NECTIN1: variants seen among roughly 807,000 people sequenced by gnomAD.
The protein encoded by NECTIN1 is nectin cell adhesion molecule 1.
A neutral mutation model predicts 48.0 loss-of-function variants in NECTIN1; 23 were observed. The observed-to-expected ratio is 0.48, with a 90% CI of 0.34 to 0.68. The LOEUF (loss-of-function observed/expected upper bound fraction) is 0.68. NECTIN1 is among the 30% of genes least tolerant of loss of function. The pLI, the probability that NECTIN1 is intolerant of heterozygous loss-of-function variation, is 0.01. For missense variants in NECTIN1, 591 were observed against 709.9 expected, an observed-to-expected ratio of 0.83 and a Z score of 1.90; for synonymous variants, 270 against 288.9, an observed-to-expected ratio of 0.93 and a Z score of 0.66.
At chr11:119,686,677 T>A (rs1865162270) in intron 1 of NECTIN1, among the ~76,000 whole-genome samples, 1 of 152,160 alleles carries the variant, frequency 6.6e-6, no homozygotes, top group Admixed American at 6.5e-5. Context: ...GGTTGCTGCC[T>A]CGGCGAAAAC....
At chr11:119,669,644 C>A (rs1355384037) in intron 5 of NECTIN1, among the ~76,000 whole-genome samples, 1 of 152,160 alleles carries the variant, frequency 6.6e-6, no homozygotes, top group Non-Finnish European at 1.5e-5. Context: ...CTCCCTAGAG[C>A]CTTAACGTGC....
intron 4 of NECTIN1, 137 bp from the exon 5 acceptor site, chr11:119,675,447 A>AAAT (rs1173549953): frequency 5.4e-6 from 4 of 737,718 alleles, no homozygotes; most frequent in Non-Finnish European, 9.2e-6. Flanking sequence ...GAAGGAAGAA[A>AAAT]AATAATAATA....
chr11:119,714,048 G>A (rs917738679), intron 1 of NECTIN1: 15 of 308,542 alleles, frequency 4.9e-5, no homozygotes, highest in Non-Finnish European at 7.8e-5. Context: ...AGGGTACATC[G>A]AAGCTCAGAT....
intron 6 of NECTIN1, chr11:119,639,354 A>G (rs1295278724): frequency 5.0e-6 from 1 of 199,036 alleles, no homozygotes; most frequent in African/African-American, 2.4e-5. Flanking sequence ...TTTATTTACA[A>G]TGTGGACGTT....
chr11:119,686,523 A>C (rs1419701574), intron 1 of NECTIN1, among the ~76,000 whole-genome samples: 3 of 152,152 alleles, frequency 2.0e-5, no homozygotes, highest in African/African-American at 7.2e-5. Flanking sequence ...TTACTACTTC[A>C]GACCCTCCCA....
intron 4 of NECTIN1, among the ~76,000 whole-genome samples, chr11:119,676,009 G>GA (rs33954161): frequency 0.017 from 2,467 of 143,176 alleles, 65 homozygotes; most frequent in African/African-American, 0.054. Context: ...CCGTCTCAAA[G>GA]AAAAAAAAAA....
chr11:119,690,569 C>T (rs924368666), intron 1 of NECTIN1, among the ~76,000 whole-genome samples: 7 of 152,310 alleles, frequency 4.6e-5, no homozygotes, highest in East Asian at 1.9e-4. Flanking sequence ...TCTCCAGCAG[C>T]GCTGCCGGAG....
At chr11:119,685,909 TG>T (rs1003149509) in intron 1 of NECTIN1, among the ~76,000 whole-genome samples, 1 of 152,292 alleles carries the variant, frequency 6.6e-6, no homozygotes, top group Admixed American at 6.5e-5. Context: ...CTGATGACCT[TG>T]GGGGACTGCA....
intron 1 of NECTIN1, among the ~76,000 whole-genome samples, chr11:119,692,378 C>T (rs1028645789): frequency 3.9e-5 from 6 of 151,942 alleles, no homozygotes; most frequent in Admixed American, 6.5e-5. Flanking sequence ...TGCAGAGGGG[C>T]CCCTGAAAGC....
intron 5 of NECTIN1, among the ~76,000 whole-genome samples, chr11:119,655,668 C>T (rs1036312804): frequency 1.1e-4 from 17 of 152,184 alleles, no homozygotes; most frequent in African/African-American, 4.1e-4. Context: ...GAAGGACTAT[C>T]CCAAGAAGGC....
At chr11:119,670,364 T>C (rs1212815369) in intron 5 of NECTIN1, among the ~76,000 whole-genome samples, 2 of 152,234 alleles carry the variant, frequency 1.3e-5, no homozygotes, top group South Asian at 2.1e-4. Flanking sequence ...CATGGATTTA[T>C]ACCAAGCACC....
intron 1 of NECTIN1, among the ~76,000 whole-genome samples, chr11:119,711,737 A>G (rs757171912): frequency 7.2e-5 from 11 of 152,190 alleles, no homozygotes; most frequent in Admixed American, 2.0e-4. Context: ...ACTGGAACCT[A>G]AAATAGGTCC....
Position 119,662,482 on chromosome 11 carries a change from C to T in NECTIN1, c.*2265G>A. 1 of 985,742 alleles carries T rather than the reference C, an allele frequency of 1.0e-6. No homozygotes were observed. The highest frequency in any genetic ancestry group is 4.7e-5 in the South Asian group (1 of 21,276). The allele number at this position is 985,742 out of a possible 1,614,324, so 61.1% of individuals were successfully genotyped here. On this transcript the variant is annotated 3_prime_UTR_variant, in exon 6 of 6. Transcript: ENST00000264025. This position sits in a 1 kb window ranked among gnomAD's most constrained non-coding sequence, Gnocchi z 5.3. ...GCTTGTGGGGAGGGTGTGGAGGTGT[C>T]TTAAGGGGGAACTCAGTGCTTTGGC...
intron 5 of NECTIN1, among the ~76,000 whole-genome samples, chr11:119,666,182 T>G (rs1348796977): frequency 6.6e-6 from 1 of 152,014 alleles, no homozygotes; most frequent in Non-Finnish European, 1.5e-5. Flanking sequence ...CAATGTCGAG[T>G]ACACACAAGT....
At chr11:119,721,848 C>T (rs148883775) in intron 1 of NECTIN1, among the ~76,000 whole-genome samples, 17 of 152,350 alleles carry the variant, frequency 1.1e-4, no homozygotes, top group African/African-American at 3.8e-4. Context: ...CATTGTTAGG[C>T]ATCCTCTATT....
chr11:119,699,019 G>T (rs1865389259), intron 1 of NECTIN1, among the ~76,000 whole-genome samples: 1 of 152,182 alleles, frequency 6.6e-6, no homozygotes, highest in Admixed American at 6.5e-5. Context: ...CAGCTCAATT[G>T]TTTCCTCGAA....
intron 5 of NECTIN1, chr11:119,641,144 T>A (rs545644171): frequency 6.6e-6 from 1 of 152,194 alleles, no homozygotes; most frequent in Non-Finnish European, 1.5e-5. Context: ...TTGCAACCCC[T>A]CTCTGGCCTG....
At chr11:119,699,705 T>A (rs1347190521) in intron 1 of NECTIN1, among the ~76,000 whole-genome samples, 2 of 152,216 alleles carry the variant, frequency 1.3e-5, no homozygotes, top group East Asian at 3.9e-4. Flanking sequence ...GGAGTGCTCA[T>A]GAAGTCCTCA....
At chr11:119,666,962 C>A (rs879793116) in intron 5 of NECTIN1, among the ~76,000 whole-genome samples, 16 of 152,112 alleles carry the variant, frequency 1.1e-4, no homozygotes, top group Non-Finnish European at 2.1e-4. Context: ...TGAGCCAGGA[C>A]CCCCCAGGGG....
Sources: allele counts gnomAD v4.1 joint callset (sites outside exome capture counted in the v4.1 genomes callset), GRCh38; gene constraint gnomAD v4.1.1; non-coding constraint Gnocchi (gnomAD v3.1); transcripts MANE v1.5; gene names NCBI Gene and HGNC (gene_info 2026-07-23, HGNC 2026-07-21).